FBXW4: variants seen among roughly 807,000 people sequenced by gnomAD.
FBXW4 encodes F-box and WD repeat domain containing 4.
A neutral mutation model predicts 61.8 loss-of-function variants in FBXW4; 40 were observed. The ratio of observed to expected loss-of-function variants is 0.65; its 90% CI spans 0.50 to 0.84. The LOEUF (loss-of-function observed/expected upper bound fraction) is 0.84, where lower values mean the gene tolerates loss of function less well. Ranked by LOEUF, FBXW4 falls within the 40% of genes least tolerant of loss-of-function variation. The pLI is 0.00. For synonymous variants in FBXW4, 311 were observed against 313.8 expected (o/e 0.99, Z 0.10); for missense variants, 672 against 753.8 (o/e 0.89, Z 1.27).
chr10:101,692,439 T>G (rs75046922), intron 1 of FBXW4, among the ~76,000 whole-genome samples: 3 of 151,880 alleles, frequency 2.0e-5, no homozygotes, highest in African/African-American at 7.3e-5. Context: ...AAAAGTGATA[T>G]TGATGAAAGT....
chr10:101,668,094 C>T lies in FBXW4; in HGVS notation c.1141-114G>A, dbSNP rs2064324056. The T allele has an allele frequency of 5.1e-6, 4 of 779,980 alleles. No homozygotes were observed. The Admixed American group carries it at 7.9e-5, about 15-fold the overall frequency. 48.3% of individuals were successfully genotyped at this position (779,980 alleles called of 1,614,324 possible). A position where few individuals can be genotyped will look rare whatever the true frequency, so the allele number is the denominator to read the frequency against. ...GGAGAAATGGGGAATCCTTTATGCC[C>T]TGCACACACAGAGCTCAGGTATCAG... On this transcript the variant is annotated intron_variant, in intron 4 of 8. Transcript: ENST00000331272.
chr10:101,683,874 G>A (rs2064504489), intron 1 of FBXW4, among the ~76,000 whole-genome samples: 1 of 152,226 alleles, frequency 6.6e-6, no homozygotes, highest in South Asian at 2.1e-4. Context: ...GTCTCCAAGT[G>A]TACAACAAGG....
At chr10:101,639,828 G>A (rs1248890251) in intron 5 of FBXW4, among the ~76,000 whole-genome samples, 1 of 152,220 alleles carries the variant, frequency 6.6e-6, no homozygotes, top group East Asian at 1.9e-4. Context: ...ATGGCCTCTG[G>A]TTCAGCTAGT....
At chr10:101,685,708 A>G (rs1205732209) in intron 1 of FBXW4, among the ~76,000 whole-genome samples, 1 of 152,182 alleles carries the variant, frequency 6.6e-6, no homozygotes, top group Non-Finnish European at 1.5e-5. Context: ...AAAAAAAATG[A>G]CATTTACCTT....
chr10:101,617,524 GGT>G (rs1344218743), intron 6 of FBXW4, among the ~76,000 whole-genome samples: 2 of 152,172 alleles, frequency 1.3e-5, no homozygotes, highest in African/African-American at 4.8e-5. Context: ...AGCCCCATCA[GGT>G]GAGAAGGAAG....
chr10:101,686,310 T>TCA, intron 1 of FBXW4, among the ~76,000 whole-genome samples: 1 of 152,324 alleles, frequency 6.6e-6, no homozygotes, highest in East Asian at 1.9e-4. Context: ...ACAGGACTTG[T>TCA]CAGTGCCTTT....
intron 6 of FBXW4, among the ~76,000 whole-genome samples, chr10:101,624,152 T>A (rs1458448109): frequency 6.6e-6 from 1 of 152,084 alleles, no homozygotes; most frequent in Non-Finnish European, 1.5e-5. Context: ...CCATGGATGG[T>A]ACCAGGGTCT....
Position 101,676,407 on chromosome 10 carries a change from A to G in FBXW4, c.755T>C (p.Val252Ala), listed in dbSNP as rs143070839. 1.5e-4 allele frequency: 243 copies of G among 1,613,234 alleles called. No homozygotes were observed. Among genetic ancestry groups the G allele is most frequent in the Non-Finnish European group, 4.7e-5 (55 of 1,179,794 alleles). ...CAGTCTCCAGTTCTGAGACACCTTC[A>G]CTCGTTCCTTCACTGGGACACTGGT... is the stretch of plus-strand genomic sequence containing the variant. ...LMTSVPVKER[V>A]KVSQNWRLGR... The change falls in exon 2 of 9, where the codon GTG (valine) becomes GCG (alanine). Residue 252 changes from valine to alanine, a missense_variant. Transcript: ENST00000331272.
At position 101,694,789 on chromosome 10, in the gene FBXW4, G is replaced by C; in HGVS notation, c.317C>G (p.Ala106Gly). The change falls in exon 1 of 9, where the codon GCA (alanine) becomes GGA (glycine). Residue 106 changes from alanine to glycine, a missense_variant. Coordinates refer to ENST00000331272, the MANE Select transcript of FBXW4 (RefSeq NM_022039.4). The surrounding 1 kb of genome is among the most constrained non-coding windows in gnomAD (Gnocchi z 6.0). ...RGIVKGVEGS[A>G]GAGKEAQGRE... Reference sequence around the variant, plus strand: ...TCCTTGTGCCTCCTTCCCGGCCCCTGCGCTCCCCTCGACTCCCTTGACGAT... The same window carrying C: ...TCCTTGTGCCTCCTTCCCGGCCCCTCCGCTCCCCTCGACTCCCTTGACGAT... 1 of 1,340,958 alleles carries C rather than the reference G, an allele frequency of 7.5e-7. No individual in the cohort carries two copies. The allele number at this position is 1,340,958 out of a possible 1,614,324, so 83.1% of individuals were successfully genotyped here. A position where few individuals can be genotyped will look rare whatever the true frequency, so the allele number is the denominator to read the frequency against.
At chr10:101,636,439 C>A (rs969960896) in intron 5 of FBXW4, among the ~76,000 whole-genome samples, 5 of 150,004 alleles carry the variant, frequency 3.3e-5, no homozygotes, top group African/African-American at 1.2e-4. Context: ...AGAGAAAAAA[C>A]AAAGATAATT....
intron 1 of FBXW4, among the ~76,000 whole-genome samples, chr10:101,677,285 G>A (rs2064423170): frequency 6.6e-6 from 1 of 152,034 alleles, no homozygotes. Flanking sequence ...TCCATCAACA[G>A]GAAAGTGGAT....
At position 101,667,803 on chromosome 10, in the gene FBXW4, G is replaced by A. The variant is rs1300011343; in HGVS notation, c.1235+83C>T. 3.2e-6 allele frequency: 4 copies of A among 1,232,698 alleles called. No individual in the cohort carries two copies. The African/African-American group carries it at 5.9e-5, about 18-fold the overall frequency. 76.4% of individuals were successfully genotyped at this position (1,232,698 alleles called of 1,614,324 possible). On this transcript the variant is annotated intron_variant, in intron 5 of 8. Coordinates refer to ENST00000331272, the MANE Select transcript of FBXW4 (RefSeq NM_022039.4). ...CAAAGCAACCTAGAATACACAACAG[G>A]AAGATTTTCTAGCTCACCTGATCTA...
chr10:101,676,829 A>G, intron 1 of FBXW4: 1 of 153,082 alleles, frequency 6.5e-6, no homozygotes, highest in Non-Finnish European at 1.5e-5. Flanking sequence ...AAGCTGTCAG[A>G]AGAAAATATA....
At chr10:101,643,166 A>C (rs932860392) in intron 5 of FBXW4, among the ~76,000 whole-genome samples, 1 of 152,218 alleles carries the variant, frequency 6.6e-6, no homozygotes, top group African/African-American at 2.4e-5. Flanking sequence ...CTGAGTCTCC[A>C]CACCTCACCT....
At chr10:101,671,006 G>A (rs1215589319) in intron 4 of FBXW4, among the ~76,000 whole-genome samples, 1 of 152,218 alleles carries the variant, frequency 6.6e-6, no homozygotes, top group Non-Finnish European at 1.5e-5. Flanking sequence ...AAAAATAGAT[G>A]GTTACAGGCA....
At position 101,695,071 on chromosome 10, in the gene FBXW4, T is replaced by G. The variant is rs2064662470; in HGVS notation, c.35A>C (p.Asn12Thr). The change falls in exon 1 of 9, where the codon AAC (asparagine) becomes ACC (threonine). Residue 12 changes from asparagine (N) to threonine (T), a missense_variant. Physicochemically the swap from Asn to Thr is moderately conservative, Grantham distance 65. Transcript: ENST00000331272. This position sits in a 1 kb window ranked among gnomAD's most constrained non-coding sequence, Gnocchi z 4.2. ...GSQGRSGPPG[N>T]GGPGEGEGGE... is the part of the protein sequence containing the mutation. ...GCCCTCGCCCTCGCCGGGCCCGCCG[T>G]TCCCGGGGGGCCCCGAGCGGCCCTG... The G allele has an allele frequency of 1.3e-5, 13 of 986,744 alleles. No individual in the cohort carries two copies. Among genetic ancestry groups the G allele is most frequent in the East Asian group, 2.3e-4 (2 of 8,850 alleles). 61.1% of individuals were successfully genotyped at this position (986,744 alleles called of 1,614,324 possible).
chr10:101,676,194 C>T (rs1428574800), intron 2 of FBXW4, 147 bp downstream of exon 2: 10 of 483,190 alleles, frequency 2.1e-5, no homozygotes, highest in Non-Finnish European at 3.7e-5. Flanking sequence ...AGTTGTCCTT[C>T]TGATGCCCCC....
chr10:101,692,086 ATTTT>A (rs900358097), intron 1 of FBXW4, among the ~76,000 whole-genome samples: 62 of 148,970 alleles, frequency 4.2e-4, no homozygotes, highest in South Asian at 3.2e-3. Flanking sequence ...AAAGTACAGA[ATTTT>A]TTTTTTTGAC....
At position 101,667,925 on chromosome 10, in the gene FBXW4, T is replaced by G; in HGVS notation, c.1196A>C (p.Glu399Ala). Residue 399 changes from glutamate to alanine, a missense_variant, in exon 5 of 9, where the codon GAA becomes GCA. By Grantham distance (107) the Glu-to-Ala change is moderately radical. Coordinates refer to ENST00000331272, the MANE Select transcript of FBXW4 (RefSeq NM_022039.4). ...LGQCLHTIQT[E>A]DRVWSIAISP... ...GATAGCAATGGACCAGACTCGGTCT[T>G]CAGTCTGGATGGTGTGTAAGCACTG... is the stretch of plus-strand genomic sequence containing the variant. The G allele has an allele frequency of 6.2e-7, 1 of 1,614,196 alleles. No individual in the cohort carries two copies. The highest frequency in any genetic ancestry group is 8.5e-7 in the Non-Finnish European group (1 of 1,180,012).
Sources: gnomAD v4.1 joint callset for allele counts (sites outside exome capture counted in the v4.1 genomes callset) on GRCh38, gnomAD v4.1.1 for gene constraint, Gnocchi (gnomAD v3.1) non-coding constraint, MANE v1.5 for transcripts, NCBI Gene and HGNC (gene_info 2026-07-23, HGNC 2026-07-21) for gene names.